PCDHGA12: variants seen among roughly 807,000 people sequenced by gnomAD.
PCDHGA12 encodes the protein protocadherin gamma-A12.
PCDHGA12 carries 43 observed loss-of-function variants against 61.1 expected under a neutral mutation model. The observed-to-expected ratio is 0.70, with a 90% CI of 0.55 to 0.91. The LOEUF (loss-of-function observed/expected upper bound fraction) is 0.91, where lower values mean the gene tolerates loss of function less well. PCDHGA12 is among the 40% of genes least tolerant of loss of function. The pLI is 0.00. For synonymous variants in PCDHGA12, 520 were observed against 542.9 expected, an observed-to-expected ratio of 0.96 and a Z score of 0.59; for missense variants, 1,236 against 1,227.7, an observed-to-expected ratio of 1.01 and a Z score of -0.10.
intron 1 of PCDHGA12, among the ~76,000 whole-genome samples, chr5:141,468,186 A>G (rs2099159540): frequency 6.6e-6 from 1 of 151,848 alleles, no homozygotes; most frequent in African/African-American, 2.4e-5. Context: ...TTTGCTGGGC[A>G]TGGTGGCGGG....
chr5:141,487,275 G>T lies in PCDHGA12; in HGVS notation c.2425-7532G>T, dbSNP rs747253888. 2.5e-6 allele frequency: 4 copies of T among 1,614,158 alleles called. No homozygotes were observed. The highest frequency in any genetic ancestry group is 1.1e-5 in the South Asian group (1 of 91,074). On this transcript the variant is annotated intron_variant, in intron 1 of 3. Coordinates refer to ENST00000252085, the MANE Select transcript of PCDHGA12 (RefSeq NM_003735.3). The surrounding 1 kb of genome is among the most constrained non-coding windows in gnomAD (Gnocchi z 5.0). ...TTGGCTGTGTCCCTAGTGGCAATTT[G>T]CTTTGTCTCCTTTGGCTCATTCGTG...
intron 1 of PCDHGA12, among the ~76,000 whole-genome samples, chr5:141,472,908 C>T (rs1369506606): frequency 1.3e-5 from 2 of 149,744 alleles, no homozygotes; most frequent in African/African-American, 2.5e-5. Context: ...ATTGCTTGAA[C>T]CCAAGAGGAG....
chr5:141,445,341 A>G (rs1165606147), intron 1 of PCDHGA12, among the ~76,000 whole-genome samples: 2 of 152,218 alleles, frequency 1.3e-5, no homozygotes, highest in African/African-American at 4.8e-5. Context: ...AACAGTAAAC[A>G]TTGGTGTCTG....
In PCDHGA12 at chr5:141,432,115, C is replaced by G. The variant is rs753088299; in HGVS notation, c.1356C>G (p.Phe452Leu). The change falls in exon 1 of 4, where the codon TTC becomes TTG. Residue 452 changes from phenylalanine (F) to leucine (L), a missense_variant. Transcript: ENST00000252085. This position sits in a 1 kb window ranked among gnomAD's most constrained non-coding sequence, Gnocchi z 6.0. ...VADTNDNPPV[F>L]PQASYSAYIP... ...ACACCAACGACAACCCGCCGGTCTT[C>G]CCTCAGGCCTCCTATTCCGCTTATA... The G allele has an allele frequency of 1.2e-5, 20 of 1,614,178 alleles. No individual in the cohort carries two copies. Among genetic ancestry groups the G allele is most frequent in the Non-Finnish European group, 1.6e-5 (19 of 1,180,050 alleles).
intron 1 of PCDHGA12, among the ~76,000 whole-genome samples, chr5:141,438,619 TATATATATATATATATAC>T (rs1380852637): frequency 0.021 from 829 of 39,644 alleles, 15 homozygotes; most frequent in East Asian, 0.054. Context: ...TATATATATA[TATATATATATATATATAC>T]ACACACACAC....
chr5:141,491,327 T>C lies in PCDHGA12; in HGVS notation c.2425-3480T>C, dbSNP rs1422115943. ...TCAGACCTTACCCTTTACCTCATTG[T>C]GGCTCTAGCGACCGTCAGTCTCTTA... is the stretch of plus-strand genomic sequence containing the variant. On this transcript the variant is annotated intron_variant, in intron 1 of 3. Coordinates refer to ENST00000252085, the MANE Select transcript of PCDHGA12 (RefSeq NM_003735.3). This position sits in a 1 kb window ranked among gnomAD's most constrained non-coding sequence, Gnocchi z 6.9. 5.6e-6 allele frequency: 9 copies of C among 1,614,098 alleles called. No homozygotes were observed. Among genetic ancestry groups the C allele is most frequent in the Admixed American group, 3.3e-5 (2 of 60,006 alleles).
At position 141,433,178 on chromosome 5, in the gene PCDHGA12, A is replaced by G; in HGVS notation, c.2419A>G (p.Ile807Val). 6.2e-7 allele frequency: 1 copy of G among 1,608,316 alleles called. No homozygotes were observed. The change falls in exon 1 of 4, where the codon ATT becomes GTT. Residue 807 changes from isoleucine (I) to valine (V), a missense_variant. Coordinates refer to ENST00000252085, the MANE Select transcript of PCDHGA12 (RefSeq NM_003735.3). The part of the protein sequence containing the change: ...SVFSKDSHGL[I>V]EQAPPNTDWR... ...ATTTTCTAAAGACAGTCATGGGTTA[A>G]TTGAGGTGAGTTTATATCAAATCTT...
intron 1 of PCDHGA12, among the ~76,000 whole-genome samples, chr5:141,452,760 G>A (rs920853226): frequency 3.3e-5 from 5 of 152,120 alleles, no homozygotes; most frequent in Non-Finnish European, 7.4e-5. Context: ...AAGGAAGGGA[G>A]GGAGGGAAAA....
chr5:141,443,163 T>C (rs1054542792), intron 1 of PCDHGA12, among the ~76,000 whole-genome samples: 3 of 152,172 alleles, frequency 2.0e-5, no homozygotes, highest in Non-Finnish European at 4.4e-5. Context: ...TTTATTTCCC[T>C]ACCCATGTCC....
At position 141,431,353 on chromosome 5, in the gene PCDHGA12, C is replaced by T. The variant is rs1273946805; in HGVS notation, c.594C>T (p.Arg198=). 1 of 1,613,940 alleles carries T rather than the reference C, an allele frequency of 6.2e-7. No homozygotes were observed. Among genetic ancestry groups the T allele is most frequent in the Non-Finnish European group, 8.5e-7 (1 of 1,180,042 alleles). Residue 198 remains arginine (R), a synonymous_variant, in exon 1 of 4, where the codon CGC becomes CGT. Coordinates refer to ENST00000252085, the MANE Select transcript of PCDHGA12 (RefSeq NM_003735.3). This position sits in a 1 kb window ranked among gnomAD's most constrained non-coding sequence, Gnocchi z 4.8. ...AGTACCCCGAATTGGTGCTGAAACG[C>T]GCCCTGGACCGCGAAGAAAAGGCTG... The part of the protein sequence containing the change: ...GSKYPELVLK[R]ALDREEKAAH...
chr5:141,430,541 C>T lies in PCDHGA12; in HGVS notation c.-219C>T. 1 of 392,344 alleles carries T rather than the reference C, an allele frequency of 2.5e-6. No homozygotes were observed. Among genetic ancestry groups the T allele is most frequent in the Non-Finnish European group, 4.5e-6 (1 of 223,466 alleles). The allele number at this position is 392,344 out of a possible 1,614,324, so 24.3% of individuals were successfully genotyped here. ...CAGTAATTGGTTAGGACTCTGAGCG[C>T]CGCTGTTCACCAATCGGGGAGAGAA... On this transcript the variant is annotated 5_prime_UTR_variant, in exon 1 of 4. Coordinates refer to ENST00000252085, the MANE Select transcript of PCDHGA12 (RefSeq NM_003735.3).
chr5:141,434,789 T>C (rs2097718008), intron 1 of PCDHGA12, among the ~76,000 whole-genome samples: 1 of 152,008 alleles, frequency 6.6e-6, no homozygotes, highest in African/African-American at 2.4e-5. Context: ...AAAAAATTTT[T>C]TTTTCTGAGC....
intron 2 of PCDHGA12, among the ~76,000 whole-genome samples, chr5:141,502,686 C>T (rs2099815631): frequency 6.6e-6 from 1 of 152,136 alleles, no homozygotes; most frequent in Admixed American, 6.5e-5. Flanking sequence ...CCCTGATGAT[C>T]CTTGCCTGTA....
intron 1 of PCDHGA12, among the ~76,000 whole-genome samples, chr5:141,458,065 GA>G (rs541812590): frequency 3.5e-3 from 534 of 152,242 alleles, no homozygotes; most frequent in Middle Eastern, 6.8e-3. Context: ...GCACTGATGC[GA>G]ACAACTATAT....
rs1023591745 is a variant in PCDHGA12 at position 141,432,912 on chromosome 5, G to T, written c.2153G>T (p.Arg718Leu). 2.5e-6 allele frequency: 4 copies of T among 1,614,160 alleles called. No individual in the cohort carries two copies. Among genetic ancestry groups the T allele is most frequent in the Non-Finnish European group, 3.4e-6 (4 of 1,180,012 alleles). Residue 718 changes from arginine (R) to leucine (L), a missense_variant, in exon 1 of 4, where the codon CGC becomes CTC. Arg to Leu is a moderately radical substitution (Grantham distance 102). Transcript: ENST00000252085. The surrounding 1 kb of genome is among the most constrained non-coding windows in gnomAD (Gnocchi z 6.0). Reference sequence around the variant, plus strand: ...TTGCTGCTGGCGCTCAGGCTGCGGCGCTGGCACAAGTCACGCCTGCTGCAG... The same window carrying T: ...TTGCTGCTGGCGCTCAGGCTGCGGCTCTGGCACAAGTCACGCCTGCTGCAG... ...VILLLALRLR[R>L]WHKSRLLQAS...
intron 1 of PCDHGA12, among the ~76,000 whole-genome samples, chr5:141,456,187 A>G (rs989106132): frequency 3.9e-5 from 6 of 152,084 alleles, no homozygotes; most frequent in African/African-American, 1.4e-4. Flanking sequence ...TAATTTCTTA[A>G]TAACTCCTAC....
intron 1 of PCDHGA12, among the ~76,000 whole-genome samples, chr5:141,462,868 T>C (rs1232965498): frequency 6.6e-6 from 1 of 152,228 alleles, no homozygotes; most frequent in East Asian, 1.9e-4. Context: ...TTTGTCTTTC[T>C]TTAAGAACTA....
rs767719494 is a variant in PCDHGA12 at position 141,491,200 on chromosome 5, C to T, written c.2425-3607C>T. On this transcript the variant is annotated intron_variant, in intron 1 of 3. Coordinates refer to ENST00000252085, the MANE Select transcript of PCDHGA12 (RefSeq NM_003735.3). This position sits in a 1 kb window ranked among gnomAD's most constrained non-coding sequence, Gnocchi z 6.9. The stretch of plus-strand genomic sequence containing the variant: ...GGTCCTGGTGAGGGACAATGGTGAC[C>T]CTTCACTCTCCTCCACAGCCACAGT... 4 of 1,614,158 alleles carry T rather than the reference C, an allele frequency of 2.5e-6. No individual in the cohort carries two copies. The highest frequency in any genetic ancestry group is 3.4e-6 in the Non-Finnish European group (4 of 1,180,000).
chr5:141,477,361 G>A lies in PCDHGA12; in HGVS notation c.2425-17446G>A. The A allele has an allele frequency of 6.2e-7, 1 of 1,614,172 alleles. No individual in the cohort carries two copies. The highest frequency in any genetic ancestry group is 8.5e-7 in the Non-Finnish European group (1 of 1,180,032). Reference sequence around the variant, plus strand: ...TCACTTTGAAAACCAGTGCAGACCTGGATCGGGAGACTGTGCCAGAATACA... The same window carrying A: ...TCACTTTGAAAACCAGTGCAGACCTAGATCGGGAGACTGTGCCAGAATACA... On this transcript the variant is annotated intron_variant, in intron 1 of 3. Coordinates refer to ENST00000252085, the MANE Select transcript of PCDHGA12 (RefSeq NM_003735.3). The surrounding 1 kb of genome is among the most constrained non-coding windows in gnomAD (Gnocchi z 4.9).
Sources: allele counts gnomAD v4.1 joint callset (sites outside exome capture counted in the v4.1 genomes callset), GRCh38; gene constraint gnomAD v4.1.1; non-coding constraint Gnocchi (gnomAD v3.1); transcripts MANE v1.5; gene names NCBI Gene and HGNC (gene_info 2026-07-23, HGNC 2026-07-21).